The following NOS1 variants were observed in gnomAD, a reference collection of about 807,000 sequenced individuals.
The protein encoded by NOS1 is NOS type I.
In NOS1, 51 loss-of-function variants were observed where a neutral mutation model predicts 164.5. That is an observed-to-expected ratio of 0.31 (90% CI 0.25 to 0.39). NOS1 has a LOEUF of 0.39. Among genes scored for constraint, NOS1 ranks in the 10% least tolerant of loss-of-function variants. NOS1 has a pLI of 1.00. For missense variants in NOS1, 1,362 were observed against 1,885.6 expected (o/e 0.72, Z 5.14); for synonymous variants, 719 against 745.8 (o/e 0.96, Z 0.59).
rs1342049642 is a variant in NOS1 at position 117,258,202 on chromosome 12, C to G, written c.2531+195G>C. ...TTTGATAGAAAAGGAAACTGAGGCA[C>G]AAGGCTGTGAAGTGACCCAGATACC... is the stretch of plus-strand genomic sequence containing the variant. On this transcript the variant is annotated intron_variant, in intron 16 of 28. Transcript: ENST00000317775. Among the ~76,000 whole-genome samples, 4 of 152,142 alleles carry G rather than the reference C, an allele frequency of 2.6e-5. No homozygotes were observed. The East Asian group carries it at 5.8e-4, about 22-fold the overall frequency.
chr12:117,313,587 T>C (rs1369741530), intron 2 of NOS1, among the ~76,000 whole-genome samples: 1 of 152,174 alleles, frequency 6.6e-6, no homozygotes, highest in Non-Finnish European at 1.5e-5. Flanking sequence ...TGAGCCACCA[T>C]GCCCGGCCAG....
intron 22 of NOS1, among the ~76,000 whole-genome samples, chr12:117,229,778 G>A (rs1869048953): frequency 1.3e-5 from 2 of 152,110 alleles, no homozygotes; most frequent in African/African-American, 2.4e-5. Context: ...TAGTAGAGAC[G>A]GGGTTTCACC....
rs753350227 is a variant in NOS1, at chr12:117,330,602, C to T, written c.468G>A (p.Gly156=). ...PLAVDGASGP[G]NGPQHAYDDG... is the part of the protein sequence containing the mutation. ...CATCGTAGGCATGCTGAGGCCCATT[C>T]CCGGGACCCGAGGCCCCATCCACTG... Residue 156 remains glycine (G), a synonymous_variant, in exon 2 of 29, where the codon GGG becomes GGA. Coordinates refer to ENST00000317775, the MANE Select transcript of NOS1 (RefSeq NM_000620.5). This position sits in a 1 kb window ranked among gnomAD's most constrained non-coding sequence, Gnocchi z 4.6. 2 of 1,611,800 alleles carry T rather than the reference C, an allele frequency of 1.2e-6. No individual in the cohort carries two copies. Among genetic ancestry groups the T allele is most frequent in the East Asian group, 2.2e-5 (1 of 44,806 alleles).
intron 12 of NOS1, among the ~76,000 whole-genome samples, chr12:117,264,788 C>CA (rs1872250130): frequency 6.6e-6 from 1 of 151,118 alleles, no homozygotes; most frequent in East Asian, 2.0e-4. Context: ...GGCTTGATAT[C>CA]GGCTCACTGC....
rs186535981 is a variant in NOS1, at chr12:117,236,632, C to G, written c.3042-1874G>C. On this transcript the variant is annotated intron_variant, in intron 20 of 28. Transcript: ENST00000317775. Reference sequence around the variant, plus strand: ...AAAAGACAACACCTCCAGAGAGCTGCAAGAAGGAACTCGCAGAAGCCGGGG... The same window carrying G: ...AAAAGACAACACCTCCAGAGAGCTGGAAGAAGGAACTCGCAGAAGCCGGGG... 1.7e-3 allele frequency among the ~76,000 whole-genome samples: 257 copies of G among 152,228 alleles called. 2 individuals carry two copies. Among genetic ancestry groups the G allele is most frequent in the Middle Eastern group, 6.8e-3 (2 of 294 alleles).
chr12:117,351,151 T>G (rs1164303440), intron 1 of NOS1, among the ~76,000 whole-genome samples: 1 of 152,122 alleles, frequency 6.6e-6, no homozygotes, highest in Non-Finnish European at 1.5e-5. Context: ...TCTTGCCCTC[T>G]GGCATCTGAT....
In NOS1 at chr12:117,210,459, C is replaced by T. The variant is rs546928600; in HGVS notation, c.*4850G>A. On this transcript the variant is annotated 3_prime_UTR_variant, in exon 29 of 29. Transcript: ENST00000317775. ...GGCTTTGAGGACATGGTGGCCACAG[C>T]GGCATGCTGGGTATGTGGGGCAGCG... 15 of 985,416 alleles carry T rather than the reference C, an allele frequency of 1.5e-5. No homozygotes were observed. The South Asian group carries it at 4.7e-4, about 31-fold the overall frequency. 61.0% of individuals were successfully genotyped at this position (985,416 alleles called of 1,614,324 possible). A position where few individuals can be genotyped will look rare whatever the true frequency, so the allele number is the denominator to read the frequency against.
intron 1 of NOS1, among the ~76,000 whole-genome samples, chr12:117,351,564 C>T (rs1481622761): frequency 6.6e-6 from 1 of 152,150 alleles, no homozygotes; most frequent in Non-Finnish European, 1.5e-5. Flanking sequence ...CTCCATTGCC[C>T]CTTGGGAGGA....
At chr12:117,306,098 G>A (rs1379902655) in intron 3 of NOS1, among the ~76,000 whole-genome samples, 4 of 152,058 alleles carry the variant, frequency 2.6e-5, no homozygotes, top group South Asian at 2.1e-4. Context: ...GGCCTGGCCC[G>A]TGGTTTTAAA....
At chr12:117,275,816 A>G (rs1408785843) in intron 9 of NOS1, among the ~76,000 whole-genome samples, 1 of 152,188 alleles carries the variant, frequency 6.6e-6, no homozygotes, top group Non-Finnish European at 1.5e-5. Flanking sequence ...TTTTGATTTA[A>G]AAAATATTGC....
Position 117,243,243 on chromosome 12 carries a change from C to A in NOS1, c.2962+54G>T, listed in dbSNP as rs1183418794. 26 of 1,602,668 alleles carry A rather than the reference C, an allele frequency of 1.6e-5. No homozygotes were observed. The highest frequency in any genetic ancestry group is 2.2e-5 in the Non-Finnish European group (26 of 1,174,552). The stretch of plus-strand genomic sequence containing the variant: ...TAAGCACCTTCTGGAGGTGAGATCA[C>A]CTGCCTTTCCCCCATTGTCACGAAT... On this transcript the variant is annotated intron_variant, in intron 19 of 28. Transcript: ENST00000317775. The surrounding 1 kb of genome is among the most constrained non-coding windows in gnomAD (Gnocchi z 4.3).
At chr12:117,236,690 G>A (rs2135946252) in intron 20 of NOS1, among the ~76,000 whole-genome samples, 1 of 152,284 alleles carries the variant, frequency 6.6e-6, no homozygotes, top group African/African-American at 2.4e-5. Flanking sequence ...TTCTAATTTG[G>A]GAGCCTCCTA....
At position 117,243,211 on chromosome 12, in the gene NOS1, T is replaced by A. The variant is rs75211666; in HGVS notation, c.2962+86A>T. On this transcript the variant is annotated intron_variant, in intron 19 of 28. Transcript: ENST00000317775. This position sits in a 1 kb window ranked among gnomAD's most constrained non-coding sequence, Gnocchi z 4.3. The stretch of plus-strand genomic sequence containing the variant: ...AGGGAGATCAAAGCAATGAAGCCCA[T>A]CTTCTCTAAGCACCTTCTGGAGGTG... 9 of 1,537,264 alleles carry A rather than the reference T, an allele frequency of 5.9e-6. No homozygotes were observed. In the East Asian group the frequency reaches 2.0e-4, roughly 35 times the overall value.
At chr12:117,279,374 CA>C (rs113921998) in intron 8 of NOS1, among the ~76,000 whole-genome samples, 6,094 of 148,616 alleles carry the variant, frequency 0.041, 412 homozygotes, top group African/African-American at 0.14. Context: ...TCTCAAAAAA[CA>C]AAAAAAAAAC....
chr12:117,315,346 G>A (rs565441732), intron 2 of NOS1, among the ~76,000 whole-genome samples: 1 of 151,958 alleles, frequency 6.6e-6, no homozygotes, highest in Admixed American at 6.6e-5. Flanking sequence ...TGGGATTATA[G>A]GTACACACCA....
intron 3 of NOS1, among the ~76,000 whole-genome samples, chr12:117,306,114 T>C (rs76565966): frequency 3.3e-5 from 5 of 151,964 alleles, no homozygotes; most frequent in African/African-American, 4.8e-5. Context: ...TTAAATCTTT[T>C]TGGGTCAAAT....
chr12:117,358,220 G>GC (rs1299531458), intron 1 of NOS1, among the ~76,000 whole-genome samples: 3 of 152,336 alleles, frequency 2.0e-5, no homozygotes, highest in East Asian at 1.9e-4. Flanking sequence ...GAAATCAGCG[G>GC]CCCCCCAGTG....
In NOS1 at chr12:117,247,520, A is replaced by C; in HGVS notation, c.2651T>G (p.Phe884Cys). 6.2e-7 allele frequency: 1 copy of C among 1,608,728 alleles called. No individual in the cohort carries two copies. Among genetic ancestry groups the C allele is most frequent in the Non-Finnish European group, 8.5e-7 (1 of 1,177,780 alleles). The change falls in exon 18 of 29, where the codon TTC (phenylalanine) becomes TGC (cysteine). Residue 884 changes from phenylalanine (F) to cysteine (C), a missense_variant and splice_region_variant. Around this residue, in one of 4 missense-constraint regions of NOS1, gnomAD observed 737 missense variants for 1,030.3 expected, o/e 0.72. Transcript: ENST00000317775. Reference protein sequence around the residue: ...ESAGPLANVRFSVFGLGSRAY... With the variant: ...ESAGPLANVRCSVFGLGSRAY... ...TCGTGAGCCGAGGCCAAAAACTGAG[A>C]ACCTGTCAAGGAGATGACAGAATGT... is the stretch of plus-strand genomic sequence containing the variant.
At position 117,258,431 on chromosome 12, in the gene NOS1, T is replaced by C. The variant is rs1352265852; in HGVS notation, c.2497A>G (p.Met833Val). ...GEKFGCALMEMRHPNSVQEER... is the reference protein window; with the variant it reads ...GEKFGCALMEVRHPNSVQEER... ...TCCTGCACAGAGTTGGGGTGCCTCA[T>C]TTCCATCAAAGCACAGCCGAATTTC... Residue 833 changes from methionine (M) to valine (V), a missense_variant, in exon 16 of 29, where the codon ATG (methionine) becomes GTG (valine). This residue lies in a region of NOS1 where 737 missense variants were observed against 1,030.3 expected (regional missense o/e 0.72). Transcript: ENST00000317775. 2 of 1,614,168 alleles carry C rather than the reference T, an allele frequency of 1.2e-6. No homozygotes were observed. Among genetic ancestry groups the C allele is most frequent in the Non-Finnish European group, 1.7e-6 (2 of 1,180,024 alleles).
Sources: allele counts gnomAD v4.1 joint callset (sites outside exome capture counted in the v4.1 genomes callset), GRCh38; gene constraint gnomAD v4.1.1; regional missense constraint gnomAD v4.1.1; non-coding constraint Gnocchi (gnomAD v3.1); transcripts MANE v1.5; gene names NCBI Gene and HGNC (gene_info 2026-07-23, HGNC 2026-07-21).